RAB38: variants seen among roughly 807,000 people sequenced by gnomAD.
RAB38 encodes ras-related protein Rab-38.
A neutral mutation model predicts 18.4 loss-of-function variants in RAB38; 15 were observed. The observed-to-expected ratio is 0.82, with a 90% CI of 0.55 to 1.26. RAB38 has a LOEUF of 1.26. RAB38 is among the 50% of genes most tolerant of loss of function. The pLI, the probability that RAB38 is intolerant of heterozygous loss-of-function variation, is 0.00. For synonymous variants in RAB38, 101 were observed against 104.4 expected, an observed-to-expected ratio of 0.97 and a Z score of 0.20; for missense variants, 294 against 267.4, an observed-to-expected ratio of 1.10 and a Z score of -0.69.
At chr11:88,046,374 C>T in the RAB38 span, among the ~76,000 whole-genome samples, 1 of 152,164 alleles carries the variant, frequency 6.6e-6, no homozygotes, top group Non-Finnish European at 1.5e-5. Flanking sequence ...GGTGCCAAAC[C>T]CATATACTCT....
At chr11:87,906,785 A>G in the RAB38 span, among the ~76,000 whole-genome samples, 1 of 151,970 alleles carries the variant, frequency 6.6e-6, no homozygotes, top group South Asian at 2.1e-4. Flanking sequence ...TGTTTATGGA[A>G]ATGGGAGTAT....
the RAB38 span, among the ~76,000 whole-genome samples, chr11:88,074,302 A>G: frequency 6.6e-6 from 1 of 152,188 alleles, no homozygotes; most frequent in African/African-American, 2.4e-5. Flanking sequence ...GAAACCCAAA[A>G]GACTAATGTA....
the RAB38 span, chr11:88,100,005 A>T: frequency 6.6e-6 from 1 of 151,948 alleles, no homozygotes; most frequent in East Asian, 1.9e-4. Flanking sequence ...GGCTGGTCTG[A>T]AGGTAATGAG....
At chr11:87,838,127 T>A in the RAB38 span, among the ~76,000 whole-genome samples, 34 of 152,048 alleles carry the variant, frequency 2.2e-4, no homozygotes, top group African/African-American at 8.2e-4. Flanking sequence ...TTATTTTTTT[T>A]TTTTTGAGAT....
At chr11:87,947,683 A>G in the RAB38 span, among the ~76,000 whole-genome samples, 8,002 of 152,236 alleles carry the variant, frequency 0.053, 283 homozygotes, top group East Asian at 0.15. Flanking sequence ...ACGTTTGTCA[A>G]AGATCAGATG....
chr11:88,086,106 A>C, the RAB38 span, among the ~76,000 whole-genome samples: 2 of 151,916 alleles, frequency 1.3e-5, no homozygotes, highest in Non-Finnish European at 2.9e-5. Context: ...ATATCTTGTA[A>C]GGCTATTGTG....
At chr11:88,132,910 T>C (rs1381598337) in intron 2 of RAB38, among the ~76,000 whole-genome samples, 3 of 152,220 alleles carry the variant, frequency 2.0e-5, no homozygotes, top group Non-Finnish European at 4.4e-5. Context: ...AAGATTTCAT[T>C]TGATAGCATA....
the RAB38 span, among the ~76,000 whole-genome samples, chr11:88,047,888 G>T: frequency 1.3e-5 from 2 of 152,090 alleles, no homozygotes; most frequent in Non-Finnish European, 2.9e-5. Flanking sequence ...CAAGGCAAAT[G>T]GTTCTTAGAC....
chr11:88,067,502 T>A, the RAB38 span, among the ~76,000 whole-genome samples: 1 of 152,126 alleles, frequency 6.6e-6, no homozygotes, highest in African/African-American at 2.4e-5. Context: ...AAAAAGCACA[T>A]AAGGGAAAGG....
At chr11:88,173,650 G>A in intron 1 of RAB38, 3 of 985,368 alleles carry the variant, frequency 3.0e-6, no homozygotes, top group Non-Finnish European at 3.6e-6. Flanking sequence ...GAATCCTGAG[G>A]ACTTTCGAGC....
chr11:88,090,435 T>C, the RAB38 span, among the ~76,000 whole-genome samples: 1 of 151,920 alleles, frequency 6.6e-6, no homozygotes, highest in Non-Finnish European at 1.5e-5. Context: ...GCCTTTGCAA[T>C]TTTTCCCTTT....
the RAB38 span, among the ~76,000 whole-genome samples, chr11:87,977,826 C>T: frequency 0.94 from 92,047 of 97,756 alleles, 43,399 homozygotes; most frequent in East Asian, 1. Flanking sequence ...AATATATGTT[C>T]CTATATAATC....
chr11:88,004,373 T>C, the RAB38 span, among the ~76,000 whole-genome samples: 3 of 151,088 alleles, frequency 2.0e-5, no homozygotes, highest in South Asian at 6.2e-4. Context: ...AATAACAAAA[T>C]CAAGAGCAAC....
intron 2 of RAB38, among the ~76,000 whole-genome samples, chr11:88,121,854 G>A (rs1942634446): frequency 1.3e-5 from 2 of 151,250 alleles, no homozygotes; most frequent in South Asian, 2.1e-4. Context: ...GAGCTGCCGC[G>A]CCGGCCCAGA....
chr11:87,813,532 C>T, the RAB38 span, among the ~76,000 whole-genome samples: 1 of 149,180 alleles, frequency 6.7e-6, no homozygotes, highest in Non-Finnish European at 1.5e-5. Flanking sequence ...CACACACACA[C>T]ACATCTCTGT....
At chr11:88,115,902 T>C (rs766825881) in intron 2 of RAB38, 13 of 152,156 alleles carry the variant, frequency 8.5e-5, no homozygotes, top group Non-Finnish European at 1.9e-4. Context: ...TCCATATGGA[T>C]TTTGTTATTA....
At chr11:88,112,574 AG>A (rs1942487799), downstream of RAB38, among the ~76,000 whole-genome samples, 1 of 152,152 alleles carries the variant, frequency 6.6e-6, no homozygotes, top group African/African-American at 2.4e-5. Context: ...AGACCCTTAC[AG>A]GAAAATAGCA....
At chr11:87,881,258 CTCATGTTCA>C in the RAB38 span, among the ~76,000 whole-genome samples, 6 of 151,966 alleles carry the variant, frequency 3.9e-5, no homozygotes, top group East Asian at 1.2e-3. Flanking sequence ...CCCTGCTGCC[CTCATGTTCA>C]GAGCCCAGGA....
At chr11:88,129,155 C>T (rs1201055904) in intron 2 of RAB38, among the ~76,000 whole-genome samples, 5 of 151,950 alleles carry the variant, frequency 3.3e-5, no homozygotes, top group South Asian at 4.2e-4. Flanking sequence ...TCTAGTGGCA[C>T]CTGAGTACCT....
Sources: allele counts gnomAD v4.1 joint callset (sites outside exome capture counted in the v4.1 genomes callset), GRCh38; gene constraint gnomAD v4.1.1; transcripts MANE v1.5; gene names NCBI Gene and HGNC (gene_info 2026-07-23, HGNC 2026-07-21).